TCF4: variants seen among roughly 807,000 people sequenced by gnomAD.
TCF4 encodes SL3-3 enhancer factor 2.
TCF4 carries 3 observed loss-of-function variants against 82.1 expected under a neutral mutation model. The ratio of observed to expected loss-of-function variants is 0.04; its 90% confidence interval spans 0.02 to 0.09. The LOEUF is 0.09. TCF4 is among the 10% of genes least tolerant of loss of function. TCF4 has a pLI of 1.00. For missense variants in TCF4, 518 were observed against 852.7 expected (o/e 0.61, Z 4.89); for synonymous variants, 276 against 309.6 (o/e 0.89, Z 1.14).
At chr18:55,278,745 T>C (rs2146242764) in intron 9 of TCF4, among the ~76,000 whole-genome samples, 1 of 152,232 alleles carries the variant, frequency 6.6e-6, no homozygotes, top group African/African-American at 2.4e-5. Flanking sequence ...ATTTTTTGTA[T>C]TTTTAGTACA....
chr18:55,310,959 A>G (rs187470938), intron 8 of TCF4, among the ~76,000 whole-genome samples: 3 of 152,320 alleles, frequency 2.0e-5, no homozygotes, highest in African/African-American at 7.2e-5. Context: ...GTATGCAGAC[A>G]TGTTGTGTTA....
At chr18:55,442,683 TA>T (rs1467271141) in intron 5 of TCF4, among the ~76,000 whole-genome samples, 1 of 152,208 alleles carries the variant, frequency 6.6e-6, no homozygotes, top group African/African-American at 2.4e-5. Context: ...GTCTTATAAA[TA>T]ATTGGATACA....
intron 5 of TCF4, among the ~76,000 whole-genome samples, chr18:55,411,630 C>G (rs1392208496): frequency 6.6e-6 from 1 of 152,150 alleles, no homozygotes. Flanking sequence ...GGCTAAGAAA[C>G]CTTGCTGATC....
intron 6 of TCF4, among the ~76,000 whole-genome samples, chr18:55,395,836 C>G (rs2093454768): frequency 6.6e-6 from 1 of 152,142 alleles, no homozygotes; most frequent in African/African-American, 2.4e-5. Flanking sequence ...CATATTCCAC[C>G]CCAGCCTTTT....
rs775167509 is a variant in TCF4, at chr18:55,403,620, C to T, written c.305-102G>A. 1.1e-5 allele frequency: 17 copies of T among 1,610,172 alleles called. 1 individual carries two copies. Among genetic ancestry groups the T allele is most frequent in the South Asian group, 3.3e-5 (3 of 90,762 alleles). The stretch of plus-strand genomic sequence containing the variant: ...ACTGCTCTTCCCCGATGTTTACATA[C>T]GTAAAGTAGGCACTACTGGCAATGT... On this transcript the variant is annotated intron_variant, in intron 5 of 19. Coordinates refer to ENST00000354452, the MANE Select transcript of TCF4 (RefSeq NM_001083962.2).
chr18:55,569,814 A>G (rs897583438), intron 3 of TCF4, among the ~76,000 whole-genome samples: 1 of 152,204 alleles, frequency 6.6e-6, no homozygotes, highest in Non-Finnish European at 1.5e-5. Context: ...CATTAAATGC[A>G]TAATAATTCT....
At chr18:55,611,285 AC>A (rs1284776200) in intron 2 of TCF4, among the ~76,000 whole-genome samples, 2 of 152,174 alleles carry the variant, frequency 1.3e-5, no homozygotes, top group Non-Finnish European at 2.9e-5. Flanking sequence ...ATATGCTTGT[AC>A]CCTAAGGCAC....
At chr18:55,349,957 T>C (rs1026018678) in intron 8 of TCF4, among the ~76,000 whole-genome samples, 3 of 152,126 alleles carry the variant, frequency 2.0e-5, no homozygotes, top group South Asian at 2.1e-4. Flanking sequence ...CTGAAACCCA[T>C]GTAAATTTTT....
chr18:55,628,729 C>T (rs2097728937), intron 2 of TCF4, among the ~76,000 whole-genome samples: 1 of 152,170 alleles, frequency 6.6e-6, no homozygotes, highest in African/African-American at 2.4e-5. Flanking sequence ...TTGAAGGAAG[C>T]TTTAAAATAT....
intron 2 of TCF4, among the ~76,000 whole-genome samples, chr18:55,596,744 C>T (rs924710537): frequency 6.6e-6 from 1 of 152,028 alleles, no homozygotes; most frequent in Non-Finnish European, 1.5e-5. Flanking sequence ...TACTAACTTG[C>T]ATCATAACAA....
chr18:55,566,991 G>C (rs908823663), intron 3 of TCF4, among the ~76,000 whole-genome samples: 4 of 151,988 alleles, frequency 2.6e-5, no homozygotes, highest in Admixed American at 2.0e-4. Flanking sequence ...TACTAGAAAA[G>C]AATGGCAATC....
At chr18:55,335,905 C>A (rs965504526) in intron 8 of TCF4, among the ~76,000 whole-genome samples, 1 of 151,770 alleles carries the variant, frequency 6.6e-6, no homozygotes, top group Admixed American at 6.6e-5. Flanking sequence ...TTCACACCAT[C>A]ATTTTTGATA....
intron 8 of TCF4, among the ~76,000 whole-genome samples, chr18:55,308,264 T>A (rs555138425): frequency 3.3e-5 from 5 of 152,232 alleles, no homozygotes; most frequent in Non-Finnish European, 7.3e-5. Context: ...AGTAAATACA[T>A]ATTTTTAAAA....
At chr18:55,293,339 G>A (rs937891217) in intron 8 of TCF4, among the ~76,000 whole-genome samples, 1 of 152,104 alleles carries the variant, frequency 6.6e-6, no homozygotes, top group African/African-American at 2.4e-5. Context: ...CTATTATTAG[G>A]AGAGGAGGCT....
At position 55,609,594 on chromosome 18, in the gene TCF4, A is replaced by G. The variant is rs139832575; in HGVS notation, c.286+21704T>C. On this transcript the variant is annotated intron_variant, in intron 2 of 20. Transcript: ENST00000398339. ...CACCAGAGTTGCAGTAAAATTGCTG[A>G]GTCTGAATTTTAAAACACAAACAAA... 4.5e-3 allele frequency among the ~76,000 whole-genome samples: 682 copies of G among 152,278 alleles called. 4 individuals are homozygous for G. The highest frequency in any genetic ancestry group is 0.015 in the African/African-American group (613 of 41,548).
chr18:55,590,713 T>G (rs1447568335), upstream of TCF4, among the ~76,000 whole-genome samples: 5 of 152,368 alleles, frequency 3.3e-5, no homozygotes, highest in East Asian at 9.6e-4. Flanking sequence ...CTTTTAGTCT[T>G]TGCAACAGAA....
At chr18:55,321,579 A>T (rs2075503423) in intron 8 of TCF4, 1 of 1,527,776 alleles carries the variant, frequency 6.5e-7, no homozygotes, top group Non-Finnish European at 8.8e-7. Flanking sequence ...AGTCCTGCAC[A>T]ACTTTGCAAA....
intron 10 of TCF4, among the ~76,000 whole-genome samples, chr18:55,274,445 G>T (rs1197686333): frequency 1.3e-5 from 2 of 152,026 alleles, no homozygotes; most frequent in Non-Finnish European, 2.9e-5. Flanking sequence ...AACTAAATAC[G>T]GATTTTCAAG....
At chr18:55,471,219 A>G (rs1294021865) in intron 3 of TCF4, among the ~76,000 whole-genome samples, 1 of 152,228 alleles carries the variant, frequency 6.6e-6, no homozygotes, top group Non-Finnish European at 1.5e-5. Flanking sequence ...AGAGTTGAGG[A>G]GATTCAAATA....
Sources: gnomAD v4.1 joint callset for allele counts (sites outside exome capture counted in the v4.1 genomes callset) on GRCh38, gnomAD v4.1.1 for gene constraint, MANE v1.5 for transcripts, NCBI Gene and HGNC (gene_info 2026-07-23, HGNC 2026-07-21) for gene names.